The following FRMPD3 variants were observed in gnomAD, a reference collection of about 807,000 sequenced individuals.
The protein encoded by FRMPD3 is FERM and PDZ domain-containing protein 3.
Under a neutral mutation model 97.9 loss-of-function variants are expected in FRMPD3, and 42 were observed. The observed-to-expected ratio is 0.43, with a 90% CI of 0.34 to 0.55. The LOEUF is 0.55. Among genes scored for constraint, FRMPD3 ranks in the 20% least tolerant of loss-of-function variants. The pLI, the probability that FRMPD3 is intolerant of heterozygous loss-of-function variation, is 0.03. For synonymous variants in FRMPD3, 577 were observed against 581.1 expected (o/e 0.99, Z 0.10); for missense variants, 1,303 against 1,457.7 (o/e 0.89, Z 1.73).
rs1196391858 is a variant in FRMPD3, at chrX:107,449,926, C to CCGCCGCTGCCG, written c.-78_-68dup. Among the ~76,000 whole-genome samples, 12 of 109,865 alleles carry CCGCCGCTGCCG rather than the reference C, an allele frequency of 1.1e-4. 1 individual carries two copies. The highest frequency in any genetic ancestry group is 3.9e-4 in the African/African-American group (12 of 30,691). On this transcript the variant is annotated 5_prime_UTR_variant, in exon 1 of 15. Coordinates refer to ENST00000683843, the MANE Select transcript of FRMPD3 (RefSeq NM_001388459.1). ...CGCCGCCGCCGCCGCCGCCGCTGCG[C>CCGCCGCTGCCG]CGCCGCTGCCGCGCCGCTGAGGAGG...
intron 8 of FRMPD3, among the ~76,000 whole-genome samples, chrX:107,556,040 A>C (rs983131084): frequency 2.7e-5 from 3 of 111,780 alleles, no homozygotes; most frequent in Non-Finnish European, 3.8e-5. Flanking sequence ...GTTTAGGGTA[A>C]AGATGAGTTC....
intron 1 of FRMPD3, among the ~76,000 whole-genome samples, chrX:107,473,256 G>A (rs774301573): frequency 1.8e-4 from 20 of 111,956 alleles, no homozygotes; most frequent in Non-Finnish European, 2.3e-4. Flanking sequence ...GAAAGTATTT[G>A]ATTGACACCT....
chrX:107,476,277 TC>T (rs1271572023), intron 1 of FRMPD3, among the ~76,000 whole-genome samples: 1 of 112,708 alleles, frequency 8.9e-6, no homozygotes, highest in African/African-American at 3.2e-5. Context: ...ACTTGAATTA[TC>T]TCCTTATGCA....
At chrX:107,465,356 G>C (rs764918987) in intron 1 of FRMPD3, among the ~76,000 whole-genome samples, 1 of 110,579 alleles carries the variant, frequency 9.0e-6, no homozygotes, top group African/African-American at 3.3e-5. Context: ...CTGTAATCCC[G>C]GCTACTCAGG....
chrX:107,523,573 C>T (rs1285454027), intron 1 of FRMPD3, among the ~76,000 whole-genome samples: 1 of 111,953 alleles, frequency 8.9e-6, no homozygotes, highest in Non-Finnish European at 1.9e-5. Flanking sequence ...AGTTGTAGAT[C>T]TCATCTACCA....
At chrX:107,566,923 G>A (rs1190484219) in intron 12 of FRMPD3, among the ~76,000 whole-genome samples, 1 of 111,470 alleles carries the variant, frequency 9.0e-6, no homozygotes, top group African/African-American at 3.3e-5. Flanking sequence ...GGGAATGAAT[G>A]CTGCCCTGGA....
At chrX:107,520,765 C>T (rs1922482630) in intron 1 of FRMPD3, among the ~76,000 whole-genome samples, 1 of 112,149 alleles carries the variant, frequency 8.9e-6, no homozygotes, top group Admixed American at 9.4e-5. Context: ...CATTTTGGTG[C>T]CACACAATAT....
chrX:107,602,791 C>T lies in FRMPD3; in HGVS notation c.4752C>T (p.Ala1584=), dbSNP rs1569432468. Residue 1584 remains alanine (A), a synonymous_variant, in exon 15 of 15, where the codon GCC becomes GCT. Transcript: ENST00000683843. ...LAKINALRAH[A]YGLPDGFLAA... ...AGATCAATGCCCTGCGGGCCCATGC[C>T]TATGGCCTCCCTGATGGCTTCCTGG... is the stretch of plus-strand genomic sequence containing the variant. The T allele has an allele frequency of 1.7e-6, 2 of 1,210,167 alleles. No homozygotes were observed. The highest frequency in any genetic ancestry group is 1.1e-6 in the Non-Finnish European group (1 of 895,038).
chrX:107,456,621 C>T (rs768235180), intron 1 of FRMPD3, among the ~76,000 whole-genome samples: 1 of 111,943 alleles, frequency 8.9e-6, no homozygotes, highest in Non-Finnish European at 1.9e-5. Flanking sequence ...AATCATATGC[C>T]CTCAATTGTC....
intron 1 of FRMPD3, among the ~76,000 whole-genome samples, chrX:107,459,099 C>G (rs1381961593): frequency 8.9e-6 from 1 of 112,187 alleles, no homozygotes; most frequent in East Asian, 2.8e-4. Context: ...TAGATGCGCA[C>G]AGGGGCCTTC....
At chrX:107,579,640 G>C (rs1249038214) in intron 13 of FRMPD3, among the ~76,000 whole-genome samples, 2 of 111,705 alleles carry the variant, frequency 1.8e-5, no homozygotes, top group Non-Finnish European at 3.8e-5. Context: ...CTGGGTTTGA[G>C]GGCCCAGAAA....
At chrX:107,539,296 G>A (rs1179936435) in intron 4 of FRMPD3, among the ~76,000 whole-genome samples, 1 of 111,941 alleles carries the variant, frequency 8.9e-6, no homozygotes, top group African/African-American at 3.3e-5. Context: ...ATACTGCATA[G>A]ATAGCCACTT....
chrX:107,460,489 C>G (rs1931451635), intron 1 of FRMPD3, among the ~76,000 whole-genome samples: 1 of 109,660 alleles, frequency 9.1e-6, no homozygotes, highest in Non-Finnish European at 1.9e-5. Flanking sequence ...CTCCCAGGCT[C>G]AAGTAATCCT....
chrX:107,552,566 C>A (rs777672080), intron 6 of FRMPD3, among the ~76,000 whole-genome samples: 1 of 112,117 alleles, frequency 8.9e-6, no homozygotes, highest in Admixed American at 9.4e-5. Flanking sequence ...ACACCTACCT[C>A]TAACCCCCTG....
In FRMPD3 at chrX:107,600,861, C is replaced by G; in HGVS notation, c.2822C>G (p.Pro941Arg). Residue 941 changes from proline to arginine, a missense_variant, in exon 15 of 15, where the codon CCC (proline) becomes CGC (arginine). By Grantham distance (103) the Pro-to-Arg change is moderately radical (BLOSUM62 -2). Around this residue, in one of 3 missense-constraint regions of FRMPD3, gnomAD observed 764 missense variants for 820.2 expected, o/e 0.93. Coordinates refer to ENST00000683843, the MANE Select transcript of FRMPD3 (RefSeq NM_001388459.1). ...DNLPKEVRLS[P>R]KLILDPKSSV... is the part of the protein sequence containing the mutation. Reference sequence around the variant, plus strand: ...CTGCCCAAGGAGGTCAGGTTGAGCCCCAAGCTTATCCTCGACCCAAAGAGC... The same window carrying G: ...CTGCCCAAGGAGGTCAGGTTGAGCCGCAAGCTTATCCTCGACCCAAAGAGC... 8.3e-7 allele frequency: 1 copy of G among 1,209,399 alleles called. No homozygotes were observed. The highest frequency in any genetic ancestry group is 1.1e-6 in the Non-Finnish European group (1 of 894,814).
rs1235333700 is a variant in FRMPD3 at position 107,567,873 on chromosome X, C to T, written c.1296+2807C>T. Among the ~76,000 whole-genome samples the T allele has an allele frequency of 2.7e-5, 3 of 110,711 alleles. No individual in the cohort carries two copies. In the East Asian group the frequency reaches 8.5e-4, roughly 31 times the overall value. The stretch of plus-strand genomic sequence containing the variant: ...TGAGGAGGGGATCATGGCACTAGTC[C>T]AGGAGTGAAGGGACAAGGGCCTGTG... On this transcript the variant is annotated intron_variant, in intron 12 of 14. Coordinates refer to ENST00000683843, the MANE Select transcript of FRMPD3 (RefSeq NM_001388459.1).
intron 5 of FRMPD3, among the ~76,000 whole-genome samples, chrX:107,548,048 A>G (rs1228119335): frequency 9.0e-6 from 1 of 110,654 alleles, no homozygotes; most frequent in Admixed American, 9.6e-5. Flanking sequence ...ACCACCATCA[A>G]CCATACCCCA....
At chrX:107,470,297 G>A (rs1407073165) in intron 1 of FRMPD3, among the ~76,000 whole-genome samples, 1 of 112,393 alleles carries the variant, frequency 8.9e-6, no homozygotes, top group Non-Finnish European at 1.9e-5. Context: ...TCACTCATGA[G>A]GTTGCATTCA....
chrX:107,533,656 C>A, intron 4 of FRMPD3, 106 bp downstream of exon 4: 1 of 684,344 alleles, frequency 1.5e-6, no homozygotes, highest in Non-Finnish European at 2.3e-6. Context: ...AGACTACAAC[C>A]AACATATGAG....
Sources: allele counts gnomAD v4.1 joint callset (sites outside exome capture counted in the v4.1 genomes callset), GRCh38; gene constraint gnomAD v4.1.1; regional missense constraint gnomAD v4.1.1; transcripts MANE v1.5; gene names NCBI Gene and HGNC (gene_info 2026-07-23, HGNC 2026-07-21).